The following RYR2 variants were observed in gnomAD, a reference collection of about 807,000 sequenced individuals.
RYR2 encodes cardiac muscle ryanodine receptor-calcium release channel.
Under a neutral mutation model 601.1 loss-of-function variants are expected in RYR2, and 227 were observed. The observed-to-expected ratio is 0.38, with a 90% CI of 0.34 to 0.42. The LOEUF (loss-of-function observed/expected upper bound fraction) is 0.42. RYR2 is among the 10% of genes least tolerant of loss of function. The pLI is 1.00. For missense variants in RYR2, 4,646 were observed against 6,156.5 expected, an observed-to-expected ratio of 0.75 and a Z score of 8.21; for synonymous variants, 2,223 against 2,175.1, an observed-to-expected ratio of 1.02 and a Z score of -0.61.
chr1:237,795,836 GTATATA>G (rs1553329286), intron 96 of RYR2, among the ~76,000 whole-genome samples: 7 of 132,690 alleles, frequency 5.3e-5, no homozygotes, highest in African/African-American at 2.0e-4. Flanking sequence ...GTGTGTGTGT[GTATATA>G]TATATATGTA....
intron 1 of RYR2, among the ~76,000 whole-genome samples, chr1:237,139,326 G>A (rs1169590696): frequency 1.3e-5 from 2 of 152,182 alleles, no homozygotes; most frequent in Non-Finnish European, 2.9e-5. Flanking sequence ...ATCCAGAATA[G>A]GCAAATCTAT....
chr1:237,650,352 T>C (rs1440824725), intron 50 of RYR2, among the ~76,000 whole-genome samples: 1 of 152,166 alleles, frequency 6.6e-6, no homozygotes, highest in African/African-American at 2.4e-5. Context: ...CAGAATACTA[T>C]TCTGGATGTT....
chr1:237,760,941 C>A lies in RYR2; in HGVS notation c.11403-14C>A, dbSNP rs1284487377. The A allele has an allele frequency of 6.6e-7, 1 of 1,525,982 alleles. No individual in the cohort carries two copies. Among genetic ancestry groups the A allele is most frequent in the South Asian group, 1.2e-5 (1 of 81,236 alleles). The allele number at this position is 1,525,982 out of a possible 1,614,324, so 94.5% of individuals were successfully genotyped here. ...TTAGTCCTCTAAATGTTTTTTTTTC[C>A]CTTGTTATTATAGTGTCCTTGACCT... On this transcript the variant is annotated splice_polypyrimidine_tract_variant and intron_variant, in intron 83 of 104. Transcript: ENST00000366574.
intron 27 of RYR2, among the ~76,000 whole-genome samples, chr1:237,558,913 C>A (rs1473808625): frequency 1.3e-5 from 2 of 151,708 alleles, no homozygotes; most frequent in African/African-American, 4.8e-5. Flanking sequence ...AGGTACTGTG[C>A]TTATCAACTC....
intron 2 of RYR2, among the ~76,000 whole-genome samples, chr1:237,314,349 C>T (rs778752484): frequency 6.6e-6 from 1 of 152,118 alleles, no homozygotes; most frequent in African/African-American, 2.4e-5. Flanking sequence ...CAGGCGTGAG[C>T]CACCATGCCC....
At chr1:237,147,890 C>T (rs1674194636) in intron 1 of RYR2, among the ~76,000 whole-genome samples, 2 of 152,192 alleles carry the variant, frequency 1.3e-5, no homozygotes, top group South Asian at 2.1e-4. Context: ...GGATGTTGGC[C>T]AATTTCAATG....
chr1:237,452,036 C>T (rs1572390674), intron 14 of RYR2, among the ~76,000 whole-genome samples: 1 of 135,902 alleles, frequency 7.4e-6, no homozygotes, highest in East Asian at 2.2e-4. Flanking sequence ...GGGAAGGGAG[C>T]TCTATTCTTT....
At position 237,351,854 on chromosome 1, in the gene RYR2, CAAAAAAAA is replaced by C. The variant is rs33955032; in HGVS notation, c.274-4094_274-4087del. On this transcript the variant is annotated intron_variant, in intron 3 of 104. Coordinates refer to ENST00000366574, the MANE Select transcript of RYR2 (RefSeq NM_001035.3). ...ATCCTAAACTATGACAAAGACCATG[CAAAAAAAA>C]AAAAAAAAAAAAAAAAGGTATAGAC... 7.8e-4 allele frequency among the ~76,000 whole-genome samples: 32 copies of C among 40,956 alleles called. 1 individual carries two copies. Among genetic ancestry groups the C allele is most frequent in the African/African-American group, 2.4e-3 (28 of 11,450 alleles). The allele number at this position is 40,956 out of a possible 152,430, so 26.9% of individuals were successfully genotyped here.
intron 2 of RYR2, among the ~76,000 whole-genome samples, chr1:237,280,789 T>G (rs1690772671): frequency 6.6e-6 from 1 of 151,408 alleles, no homozygotes; most frequent in Non-Finnish European, 1.5e-5. Flanking sequence ...TGGTTTTTTT[T>G]TTTTTTGTTT....
chr1:237,227,740 G>A (rs974583457), intron 1 of RYR2, among the ~76,000 whole-genome samples: 5 of 152,146 alleles, frequency 3.3e-5, no homozygotes, highest in African/African-American at 9.7e-5. Flanking sequence ...CCCAGGGCGG[G>A]TTCTTGCCTG....
intron 99 of RYR2, among the ~76,000 whole-genome samples, chr1:237,807,378 T>C (rs954096488): frequency 4.6e-5 from 7 of 152,138 alleles, no homozygotes; most frequent in African/African-American, 1.2e-4. Context: ...TAAGACAGAG[T>C]CTTGCTCTGT....
chr1:237,815,057 A>G (rs1450958884), intron 100 of RYR2, among the ~76,000 whole-genome samples: 1 of 145,738 alleles, frequency 6.9e-6, no homozygotes, highest in African/African-American at 2.6e-5. Context: ...AATAGAAACT[A>G]TGATCAACCT....
chr1:237,383,757 C>A (rs982073369), intron 8 of RYR2, among the ~76,000 whole-genome samples: 14 of 152,172 alleles, frequency 9.2e-5, no homozygotes, highest in African/African-American at 3.1e-4. Context: ...AATACAATAT[C>A]CTCTGAAGAT....
intron 2 of RYR2, among the ~76,000 whole-genome samples, chr1:237,300,395 A>G (rs576201427): frequency 1.2e-4 from 19 of 152,236 alleles, no homozygotes; most frequent in Admixed American, 5.9e-4. Flanking sequence ...CCCTTATTCT[A>G]TTAACATGGC....
intron 10 of RYR2, among the ~76,000 whole-genome samples, chr1:237,397,235 CAA>C (rs931409932): frequency 3.7e-5 from 4 of 107,206 alleles, no homozygotes; most frequent in African/African-American, 7.0e-5. Flanking sequence ...GAGACTGTTT[CAA>C]AAAAAAAAAA....
chr1:237,049,562 A>T (rs1660999591), intron 1 of RYR2, among the ~76,000 whole-genome samples: 1 of 152,170 alleles, frequency 6.6e-6, no homozygotes. Flanking sequence ...GGATGAGCAT[A>T]ACAAAATCTC....
At chr1:237,191,418 GT>G (rs113524775) in intron 1 of RYR2, among the ~76,000 whole-genome samples, 2,537 of 145,492 alleles carry the variant, frequency 0.017, 42 homozygotes, top group African/African-American at 0.034. Flanking sequence ...AATTTTATGG[GT>G]TTTTTTTTTT....
At chr1:237,550,889 A>T (rs899694931) in intron 27 of RYR2, among the ~76,000 whole-genome samples, 198 bp downstream of exon 27, 1 of 152,096 alleles carries the variant, frequency 6.6e-6, no homozygotes, top group Non-Finnish European at 1.5e-5. Context: ...CAGGATGCTG[A>T]TGATTCTTTG....
chr1:237,331,871 T>C (rs888490182), intron 3 of RYR2, among the ~76,000 whole-genome samples: 1 of 152,148 alleles, frequency 6.6e-6, no homozygotes, highest in African/African-American at 2.4e-5. Context: ...CCTATTTGGT[T>C]ATTTTATTTT....
Sources: gnomAD v4.1 joint callset for allele counts (sites outside exome capture counted in the v4.1 genomes callset) on GRCh38, gnomAD v4.1.1 for gene constraint, MANE v1.5 for transcripts, NCBI Gene and HGNC (gene_info 2026-07-23, HGNC 2026-07-21) for gene names.